Variants in ARFIP1 observed in about 807,000 individuals in gnomAD.
ARFIP1 encodes arfaptin-1.
In ARFIP1, 24 loss-of-function variants were observed where a neutral mutation model predicts 42.5. The observed-to-expected ratio is 0.57, with a 90% confidence interval of 0.41 to 0.80. The LOEUF is 0.80. ARFIP1 is among the 30% of genes least tolerant of loss of function. ARFIP1 has a pLI of 0.00. For missense variants in ARFIP1, 354 were observed against 434.0 expected, an observed-to-expected ratio of 0.82 and a Z score of 1.64; for synonymous variants, 141 against 153.7, an observed-to-expected ratio of 0.92 and a Z score of 0.61.
At chr4:152,804,437 C>CATGTATTATATATTATATATAAT (rs1335806757) in intron 1 of ARFIP1, among the ~76,000 whole-genome samples, 2 of 89,316 alleles carry the variant, frequency 2.2e-5, no homozygotes, top group Non-Finnish European at 4.0e-5. Context: ...TATAATATAA[C>CATGTATTATATATTATATATAAT]ATGTATTATA....
At position 152,872,445 on chromosome 4, in the gene ARFIP1, C is replaced by T; in HGVS notation, c.299-7C>T. 6.4e-7 allele frequency: 1 copy of T among 1,568,410 alleles called. No homozygotes were observed. Among genetic ancestry groups the T allele is most frequent in the Non-Finnish European group, 8.8e-7 (1 of 1,142,742 alleles). ...GGATTGTGTTTTTATCTTTTGTTAT[C>T]TTGCAGGTGGCCAGAGAACACAGAC... On this transcript the variant is annotated splice_polypyrimidine_tract_variant and splice_region_variant and intron_variant, in intron 4 of 8. Coordinates refer to ENST00000353617, the MANE Select transcript of ARFIP1 (RefSeq NM_001025595.3).
rs982070037 is a variant in ARFIP1 at position 152,911,687 on chromosome 4, T to C, written c.*1468T>C. The C allele has an allele frequency of 3.9e-5, 6 of 152,638 alleles. No individual in the cohort carries two copies. The highest frequency in any genetic ancestry group is 1.4e-4 in the African/African-American group (6 of 41,464). 9.5% of individuals were successfully genotyped at this position (152,638 alleles called of 1,614,324 possible). A position where few individuals can be genotyped will look rare whatever the true frequency, so the allele number is the denominator to read the frequency against. ...ATTTGTTATATATGTTCAAATGCCT[T>C]TTAGCTGGCTTTTTAATTAATATGC... On this transcript the variant is annotated 3_prime_UTR_variant, in exon 9 of 9. Transcript: ENST00000353617.
chr4:152,870,532 T>C (rs926474646), intron 3 of ARFIP1, among the ~76,000 whole-genome samples: 2 of 152,260 alleles, frequency 1.3e-5, no homozygotes, highest in African/African-American at 4.8e-5. Flanking sequence ...TTACATATTC[T>C]GTTTAGTTTT....
chr4:152,888,719 C>T (rs1052646685), intron 8 of ARFIP1, among the ~76,000 whole-genome samples: 5 of 152,080 alleles, frequency 3.3e-5, no homozygotes, highest in African/African-American at 1.2e-4. Flanking sequence ...GCTAAAAGGT[C>T]CAGCTTAGGG....
chr4:152,812,484 G>A (rs1729548120), intron 1 of ARFIP1, among the ~76,000 whole-genome samples: 3 of 152,280 alleles, frequency 2.0e-5, no homozygotes, highest in East Asian at 3.9e-4. Context: ...GAGCCGCCCC[G>A]TCTGGCCTTC....
At chr4:152,888,443 G>C in intron 8 of ARFIP1, 136 bp downstream of exon 8, 1 of 615,478 alleles carries the variant, frequency 1.6e-6, no homozygotes. Context: ...CAGTGTTTGA[G>C]TTTTTAGAAG....
At chr4:152,796,208 C>T (rs975510681) in intron 1 of ARFIP1, 3 of 813,066 alleles carry the variant, frequency 3.7e-6, no homozygotes, top group Non-Finnish European at 6.4e-6. Flanking sequence ...AGTAATAACA[C>T]CCAAAGTTGT....
intron 1 of ARFIP1, among the ~76,000 whole-genome samples, chr4:152,827,001 T>TG (rs1020216017): frequency 3.9e-5 from 6 of 152,292 alleles, no homozygotes; most frequent in South Asian, 4.1e-4. Context: ...GGGTAGTGGT[T>TG]GCCAGATTCT....
chr4:152,898,217 T>C (rs974088115), intron 8 of ARFIP1, among the ~76,000 whole-genome samples: 3 of 151,788 alleles, frequency 2.0e-5, no homozygotes, highest in Non-Finnish European at 4.4e-5. Context: ...CTCCTGACCT[T>C]GTGATCCACC....
chr4:152,810,318 C>A (rs949957414), intron 1 of ARFIP1: 5 of 152,036 alleles, frequency 3.3e-5, no homozygotes, highest in African/African-American at 1.2e-4. Context: ...TTAAACACAG[C>A]CATTATTTTA....
intron 1 of ARFIP1, among the ~76,000 whole-genome samples, chr4:152,806,633 T>C (rs924929523): frequency 5.3e-5 from 8 of 152,170 alleles, no homozygotes; most frequent in Non-Finnish European, 2.9e-5. Flanking sequence ...AGATACAGAA[T>C]GTTTCCATCA....
intron 3 of ARFIP1, among the ~76,000 whole-genome samples, chr4:152,867,619 A>G (rs866865168): frequency 2.0e-5 from 3 of 152,114 alleles, no homozygotes; most frequent in South Asian, 2.1e-4. Context: ...TTTAGCTGGC[A>G]TTTTTCCCCT....
At chr4:152,823,458 G>A (rs1730551903) in intron 1 of ARFIP1, among the ~76,000 whole-genome samples, 1 of 152,162 alleles carries the variant, frequency 6.6e-6, no homozygotes, top group Admixed American at 6.5e-5. Context: ...GATGGAGACA[G>A]CTGAATTCTA....
intron 1 of ARFIP1, among the ~76,000 whole-genome samples, chr4:152,808,684 T>C (rs28439134): frequency 6.6e-6 from 1 of 151,988 alleles, no homozygotes; most frequent in African/African-American, 2.4e-5. Flanking sequence ...TTCTAATGGG[T>C]GTATAATGGT....
chr4:152,786,009 A>G (rs188264065), intron 1 of ARFIP1, among the ~76,000 whole-genome samples: 5 of 152,300 alleles, frequency 3.3e-5, no homozygotes, highest in Admixed American at 3.3e-4. Context: ...ATATTGTTGA[A>G]CCACGAGTTT....
At chr4:152,835,441 A>G (rs1731572237) in intron 2 of ARFIP1, among the ~76,000 whole-genome samples, 1 of 152,188 alleles carries the variant, frequency 6.6e-6, no homozygotes, top group African/African-American at 2.4e-5. Flanking sequence ...GCTAGGGTAT[A>G]CCATGGGTGA....
chr4:152,881,138 T>C lies in ARFIP1; in HGVS notation c.587T>C (p.Leu196Pro), dbSNP rs762435930. Residue 196 changes from leucine (L) to proline (P), a missense_variant, in exon 6 of 9, where the codon CTT (leucine) becomes CCT (proline). Physicochemically the swap from Leu to Pro is moderately conservative, Grantham distance 98. Transcript: ENST00000353617. The stretch of plus-strand genomic sequence containing the variant: ...CAGATGGTACATACCCAAAGGCAAC[T>C]TGGAGATGCATTTGCTGACCTGAGT... Reference protein sequence around the residue: ...LFQMVHTQRQLGDAFADLSLK... With the variant: ...LFQMVHTQRQPGDAFADLSLK... 1 of 1,613,794 alleles carries C rather than the reference T, an allele frequency of 6.2e-7. No homozygotes were observed. Among genetic ancestry groups the C allele is most frequent in the Non-Finnish European group, 8.5e-7 (1 of 1,179,856 alleles).
chr4:152,881,190 A>T lies in ARFIP1; in HGVS notation c.633+6A>T, dbSNP rs755104357. 6.4e-7 allele frequency: 1 copy of T among 1,574,150 alleles called. No individual in the cohort carries two copies. Among genetic ancestry groups the T allele is most frequent in the Non-Finnish European group, 8.7e-7 (1 of 1,147,120 alleles). ...TGAAGTCACTAGAACTTCATGTAAG[A>T]TTATTCTAAATAACTATTAGGGATG... On this transcript the variant is annotated splice_donor_region_variant and intron_variant, in intron 6 of 8. Transcript: ENST00000353617.
intron 1 of ARFIP1, among the ~76,000 whole-genome samples, chr4:152,817,014 A>G (rs1309803982): frequency 2.0e-5 from 3 of 152,210 alleles, no homozygotes; most frequent in Non-Finnish European, 4.4e-5. Flanking sequence ...TTATCTGCCA[A>G]AAACACTTTA....
Sources: allele counts gnomAD v4.1 joint callset (sites outside exome capture counted in the v4.1 genomes callset), GRCh38; gene constraint gnomAD v4.1.1; transcripts MANE v1.5; gene names NCBI Gene and HGNC (gene_info 2026-07-23, HGNC 2026-07-21).